The following APLF variants were observed in gnomAD, a reference collection of about 807,000 sequenced individuals.
APLF encodes the protein aprataxin and PNK-like factor.
In APLF, 61 loss-of-function variants were observed where a neutral mutation model predicts 55.6. The observed-to-expected ratio is 1.10, with a 90% CI of 0.89 to 1.36. The LOEUF is 1.36. Among genes scored for constraint, APLF ranks in the 40% most tolerant of loss-of-function variants. APLF has a pLI of 0.00. For synonymous variants in APLF, 207 were observed against 214.8 expected (o/e 0.96, Z 0.32); for missense variants, 611 against 602.5 (o/e 1.01, Z -0.15).
intron 8 of APLF, among the ~76,000 whole-genome samples, chr2:68,565,626 C>G (rs1448125854): frequency 2.0e-5 from 3 of 151,928 alleles, no homozygotes; most frequent in Non-Finnish European, 2.9e-5. Context: ...AAATATTTTT[C>G]AAGCAGATGG....
chr2:68,537,711 A>C (rs1256402660), intron 6 of APLF, among the ~76,000 whole-genome samples, 161 bp from the exon 7 acceptor site: 1 of 152,186 alleles, frequency 6.6e-6, no homozygotes, highest in Non-Finnish European at 1.5e-5. Context: ...AAGTTATTAA[A>C]CTAAGCGCAT....
At chr2:68,542,048 A>AT (rs531016455) in intron 7 of APLF, among the ~76,000 whole-genome samples, 40 of 152,320 alleles carry the variant, frequency 2.6e-4, no homozygotes, top group Non-Finnish European at 4.4e-4. Context: ...GAAAGGACAG[A>AT]TTTTTTTCAA....
intron 3 of APLF, among the ~76,000 whole-genome samples, chr2:68,504,463 A>G (rs1019524200): frequency 6.6e-6 from 1 of 151,980 alleles, no homozygotes; most frequent in Non-Finnish European, 1.5e-5. Context: ...TGTCCAAGGG[A>G]TACAAGGTTA....
chr2:68,545,453 G>T, intron 8 of APLF, 141 bp downstream of exon 8: 1 of 1,053,410 alleles, frequency 9.5e-7, no homozygotes, highest in Non-Finnish European at 1.3e-6. Context: ...TTTCATGTTG[G>T]TAATAGGTAG....
chr2:68,563,450 G>A, intron 8 of APLF: 1 of 773,772 alleles, frequency 1.3e-6, no homozygotes, highest in Non-Finnish European at 1.6e-6. Flanking sequence ...GTGCAACTGG[G>A]AATGTTTTCC....
At chr2:68,552,282 A>C (rs549829766) in intron 8 of APLF, among the ~76,000 whole-genome samples, 106 of 152,202 alleles carry the variant, frequency 7.0e-4, no homozygotes, top group African/African-American at 2.5e-3. Context: ...GAACTCAACA[A>C]ATATTTCTTG....
intron 9 of APLF, chr2:68,568,378 TG>T: frequency 2.2e-6 from 2 of 896,598 alleles, no homozygotes; most frequent in Non-Finnish European, 2.7e-6. Flanking sequence ...ATGATTTCAC[TG>T]TAAGGGAATT....
intron 8 of APLF, among the ~76,000 whole-genome samples, chr2:68,565,473 T>TGATG (rs909221005): frequency 1.3e-5 from 2 of 151,320 alleles, no homozygotes; most frequent in Non-Finnish European, 2.9e-5. Context: ...ACAGATGGAT[T>TGATG]GATGGATGGA....
intron 8 of APLF, among the ~76,000 whole-genome samples, chr2:68,564,986 A>C (rs555918046): frequency 1.3e-5 from 2 of 152,134 alleles, no homozygotes; most frequent in Non-Finnish European, 2.9e-5. Flanking sequence ...AATACAATTT[A>C]AAATTCATTT....
At chr2:68,550,564 T>C (rs1472799712) in intron 8 of APLF, among the ~76,000 whole-genome samples, 3 of 152,162 alleles carry the variant, frequency 2.0e-5, no homozygotes, top group Non-Finnish European at 4.4e-5. Context: ...TGATATATTT[T>C]AATTTTTTCT....
At chr2:68,472,795 A>G (rs1327651928) in intron 1 of APLF, among the ~76,000 whole-genome samples, 1 of 152,180 alleles carries the variant, frequency 6.6e-6, no homozygotes, top group Non-Finnish European at 1.5e-5. Flanking sequence ...TGATCACATT[A>G]TGTCAATGAT....
rs1258276416 is a variant in APLF, at chr2:68,529,887, G to A, written c.804+3645G>A. 1.6e-4 allele frequency among the ~76,000 whole-genome samples: 25 copies of A among 152,256 alleles called. No individual in the cohort carries two copies. Among genetic ancestry groups the A allele is most frequent in the Admixed American group, 1.6e-3 (25 of 15,292 alleles). On this transcript the variant is annotated intron_variant, in intron 6 of 9. Coordinates refer to ENST00000303795, the MANE Select transcript of APLF (RefSeq NM_173545.3). The surrounding 1 kb of genome is among the most constrained non-coding windows in gnomAD (Gnocchi z 4.4). ...CGGGTTACAGGGCCAGAACCTGGAA[G>A]CAGAGCGCAGGACCAGCCAGATCCC...
At chr2:68,552,424 A>G (rs187536532) in intron 8 of APLF, among the ~76,000 whole-genome samples, 35 of 152,242 alleles carry the variant, frequency 2.3e-4, no homozygotes, top group African/African-American at 7.7e-4. Context: ...AGAATTGACA[A>G]ATATCTTCAG....
chr2:68,518,609 A>G (rs1295953656), intron 5 of APLF, among the ~76,000 whole-genome samples: 1 of 79,134 alleles, frequency 1.3e-5, no homozygotes, highest in Non-Finnish European at 2.0e-5. Context: ...ATAATATATC[A>G]TTAATATATC....
At chr2:68,559,049 T>TA (rs1318323281) in intron 8 of APLF, among the ~76,000 whole-genome samples, 2 of 152,212 alleles carry the variant, frequency 1.3e-5, no homozygotes, top group African/African-American at 4.8e-5. Context: ...GACAAAGTGA[T>TA]AAAGTGTTTT....
At chr2:68,576,671 T>C (rs1195514068) in intron 9 of APLF, among the ~76,000 whole-genome samples, 1 of 152,180 alleles carries the variant, frequency 6.6e-6, no homozygotes, top group African/African-American at 2.4e-5. Flanking sequence ...ATAAATATAT[T>C]GGGCTATAAG....
chr2:68,524,651 T>G, intron 5 of APLF, among the ~76,000 whole-genome samples: 1 of 152,242 alleles, frequency 6.6e-6, no homozygotes, highest in East Asian at 1.9e-4. Context: ...GACTACAGAT[T>G]GCTTTATATA....
At chr2:68,508,952 C>T (rs1032174634) in intron 3 of APLF, among the ~76,000 whole-genome samples, 1 of 151,818 alleles carries the variant, frequency 6.6e-6, no homozygotes, top group Non-Finnish European at 1.5e-5. Flanking sequence ...ACAAACCTGA[C>T]AAAAACAAGA....
intron 2 of APLF, among the ~76,000 whole-genome samples, chr2:68,499,779 A>C (rs1036844067): frequency 6.6e-6 from 1 of 152,178 alleles, no homozygotes; most frequent in Non-Finnish European, 1.5e-5. Flanking sequence ...CAGAGGTTGT[A>C]GTGAGTAGAG....
Sources: allele counts gnomAD v4.1 joint callset (sites outside exome capture counted in the v4.1 genomes callset), GRCh38; gene constraint gnomAD v4.1.1; non-coding constraint Gnocchi (gnomAD v3.1); transcripts MANE v1.5; gene names NCBI Gene and HGNC (gene_info 2026-07-23, HGNC 2026-07-21).